Variants in MAN2A1 observed in about 807,000 individuals in gnomAD.
MAN2A1 encodes alpha-mannosidase 2.
A neutral mutation model predicts 142.6 loss-of-function variants in MAN2A1; 76 were observed. The observed-to-expected ratio is 0.53, with a 90% CI of 0.44 to 0.65. The LOEUF is 0.65. MAN2A1 is among the 30% of genes least tolerant of loss of function. The probability of loss-of-function intolerance (pLI) is 0.00; values close to 1 mark genes in which losing one functional copy is unlikely to be tolerated. For synonymous variants in MAN2A1, 559 were observed against 473.2 expected (o/e 1.18, Z -2.35); for missense variants, 1,311 against 1,365.1 (o/e 0.96, Z 0.62).
At chr5:109,746,775 C>T (rs547565978) in intron 4 of MAN2A1, among the ~76,000 whole-genome samples, 89 of 152,252 alleles carry the variant, frequency 5.8e-4, no homozygotes, top group Non-Finnish European at 1.2e-3. Flanking sequence ...ATTCCCGTTC[C>T]TCTTGCTCCT....
chr5:109,712,260 A>T (rs921357976), intron 1 of MAN2A1, among the ~76,000 whole-genome samples: 10 of 151,936 alleles, frequency 6.6e-5, no homozygotes, highest in Non-Finnish European at 1.5e-4. Context: ...TATAAACCTT[A>T]TATCTTGTGT....
chr5:109,726,807 T>C (rs1449681893), intron 3 of MAN2A1, among the ~76,000 whole-genome samples: 2 of 152,232 alleles, frequency 1.3e-5, no homozygotes, highest in African/African-American at 4.8e-5. Flanking sequence ...GGAGTTTTAT[T>C]ATCAAATTAA....
At chr5:109,826,063 G>A (rs548012176) in intron 16 of MAN2A1, among the ~76,000 whole-genome samples, 5 of 151,700 alleles carry the variant, frequency 3.3e-5, no homozygotes, top group East Asian at 1.9e-4. Context: ...ACACCACCAC[G>A]CCTGGCTAAT....
intron 16 of MAN2A1, among the ~76,000 whole-genome samples, chr5:109,825,181 G>A (rs966120095): frequency 6.6e-6 from 1 of 152,152 alleles, no homozygotes; most frequent in Non-Finnish European, 1.5e-5. Flanking sequence ...TCTTGTGTAA[G>A]CCATTATTTA....
intron 16 of MAN2A1, chr5:109,840,051 CT>C: frequency 6.2e-6 from 1 of 161,816 alleles, no homozygotes. Context: ...CAATTTGATC[CT>C]TTTTTCCTCC....
intron 4 of MAN2A1, among the ~76,000 whole-genome samples, chr5:109,742,302 A>G (rs569739743): frequency 8.5e-5 from 13 of 152,316 alleles, no homozygotes; most frequent in African/African-American, 2.9e-4. Flanking sequence ...TGGATCTTTT[A>G]GTGTGAAAAG....
At chr5:109,700,282 T>A (rs986891733) in intron 1 of MAN2A1, among the ~76,000 whole-genome samples, 1 of 16,614 alleles carries the variant, frequency 6.0e-5, no homozygotes, top group African/African-American at 8.3e-4. Flanking sequence ...GTTTTGCCGG[T>A]TTTTTTTTTT....
At chr5:109,696,707 T>C (rs1345178184) in intron 1 of MAN2A1, among the ~76,000 whole-genome samples, 1 of 152,214 alleles carries the variant, frequency 6.6e-6, no homozygotes, top group African/African-American at 2.4e-5. Flanking sequence ...CAATATCCTC[T>C]GGGAGTGGGA....
At chr5:109,690,578 G>T (rs747304906) in intron 1 of MAN2A1, 26 bp downstream of exon 1, 347 of 1,565,324 alleles carry the variant, frequency 2.2e-4, no homozygotes, top group Non-Finnish European at 2.7e-4. Context: ...GGGGGCGCGG[G>T]GCTCCGAGGG....
chr5:109,825,838 C>T (rs1409978310), intron 16 of MAN2A1, among the ~76,000 whole-genome samples: 11 of 150,476 alleles, frequency 7.3e-5, no homozygotes, highest in Non-Finnish European at 1.3e-4. Context: ...TTTCTATTTG[C>T]TGGTCTTGCC....
intron 11 of MAN2A1, 69 bp from the exon 12 acceptor site, chr5:109,789,391 G>C: frequency 1.2e-6 from 1 of 866,558 alleles, no homozygotes; most frequent in East Asian, 2.7e-5. Context: ...AATTTGAATG[G>C]TCTTCTGGTT....
At chr5:109,808,676 A>T (rs908133045) in intron 12 of MAN2A1, among the ~76,000 whole-genome samples, 3 of 147,812 alleles carry the variant, frequency 2.0e-5, no homozygotes, top group Non-Finnish European at 4.5e-5. Context: ...TTTGTTTACT[A>T]TATTTCTGTT....
chr5:109,690,634 C>T, intron 1 of MAN2A1, 82 bp downstream of exon 1: 2 of 1,456,880 alleles, frequency 1.4e-6, no homozygotes. Context: ...CCAACCTCTT[C>T]CTCCCGCCGC....
At chr5:109,692,478 C>T (rs1396094600) in intron 1 of MAN2A1, among the ~76,000 whole-genome samples, 2 of 152,044 alleles carry the variant, frequency 1.3e-5, no homozygotes. Flanking sequence ...TAAGCTTAAC[C>T]GTTATGTGTG....
At chr5:109,725,220 TCA>T (rs1751710226) in intron 3 of MAN2A1, among the ~76,000 whole-genome samples, 1 of 152,338 alleles carries the variant, frequency 6.6e-6, no homozygotes, top group African/African-American at 2.4e-5. Flanking sequence ...GAGAAATAGC[TCA>T]GTGATCTAGA....
Position 109,856,060 on chromosome 5 carries a change from G to A in MAN2A1, c.3171+726G>A, listed in dbSNP as rs373587614. Among the ~76,000 whole-genome samples the A allele has an allele frequency of 9.2e-5, 14 of 152,102 alleles. 1 individual carries two copies. The highest frequency in any genetic ancestry group is 2.6e-4 in the Admixed American group (4 of 15,256). On this transcript the variant is annotated intron_variant, in intron 20 of 21. Coordinates refer to ENST00000261483, the MANE Select transcript of MAN2A1 (RefSeq NM_002372.4). Reference sequence around the variant, plus strand: ...GCTCATGTTTAAAGACAATATAAGAGGTGAGAAATGTTTAATGTAGAACAA... The same window carrying A: ...GCTCATGTTTAAAGACAATATAAGAAGTGAGAAATGTTTAATGTAGAACAA...
At chr5:109,734,617 T>C (rs532846915) in intron 4 of MAN2A1, among the ~76,000 whole-genome samples, 104 of 152,334 alleles carry the variant, frequency 6.8e-4, no homozygotes, top group African/African-American at 2.4e-3. Context: ...TCTGCCTTCA[T>C]TTTGTTATGT....
chr5:109,796,411 A>T (rs1753863385), intron 12 of MAN2A1, among the ~76,000 whole-genome samples: 1 of 152,218 alleles, frequency 6.6e-6, no homozygotes, highest in African/African-American at 2.4e-5. Flanking sequence ...AGAATAACAC[A>T]TACATATCAT....
intron 19 of MAN2A1, among the ~76,000 whole-genome samples, chr5:109,851,469 G>A (rs1017430968): frequency 6.6e-6 from 1 of 152,084 alleles, no homozygotes; most frequent in South Asian, 2.1e-4. Context: ...CATCGGAATG[G>A]GTTAGTTATT....
Sources: allele counts gnomAD v4.1 joint callset (sites outside exome capture counted in the v4.1 genomes callset), GRCh38; gene constraint gnomAD v4.1.1; transcripts MANE v1.5; gene names NCBI Gene and HGNC (gene_info 2026-07-23, HGNC 2026-07-21).